The following PRC1 variants were observed in gnomAD, a reference collection of about 807,000 sequenced individuals.
The protein encoded by PRC1 is anaphase spindle elongation 1 homolog.
In PRC1, 54 loss-of-function variants were observed where a neutral mutation model predicts 91.2. That is an observed-to-expected ratio of 0.59 (90% confidence interval 0.48 to 0.74). The LOEUF is 0.74. Ranked by LOEUF, PRC1 falls within the 30% of genes least tolerant of loss-of-function variation. The pLI, the probability that PRC1 is intolerant of heterozygous loss-of-function variation, is 0.00. For synonymous variants in PRC1, 275 were observed against 263.6 expected (o/e 1.04, Z -0.42); for missense variants, 727 against 746.2 (o/e 0.97, Z 0.30).
In PRC1 at chr15:90,981,752, G is replaced by C. The variant is rs137858168; in HGVS notation, c.497C>G (p.Thr166Arg). 73 of 1,610,044 alleles carry C rather than the reference G, an allele frequency of 4.5e-5. 1 individual carries two copies. In the African/African-American group the frequency reaches 6.4e-4, roughly 14 times the overall value. Residue 166 changes from threonine (T) to arginine (R), a missense_variant, in exon 4 of 15, where the codon ACA becomes AGA. Physicochemically the swap from Thr to Arg is moderately conservative, Grantham distance 71 (BLOSUM62 -1). Coordinates refer to ENST00000394249, the MANE Select transcript of PRC1 (RefSeq NM_003981.4). ...FRQHVTTLRE[T>R]KASRREEFVS... ...GAACAAATGTAGGCAGTGTACCTTTGTTTCCCTCAAAGTTGTCACATGTTG... is the reference window on the plus strand; with the variant it reads ...GAACAAATGTAGGCAGTGTACCTTTCTTTCCCTCAAAGTTGTCACATGTTG...
intron 1 of PRC1, among the ~76,000 whole-genome samples, chr15:90,993,117 A>G (rs1343697459): frequency 1.4e-5 from 2 of 146,274 alleles, no homozygotes; most frequent in African/African-American, 5.0e-5. Flanking sequence ...TATATCCATT[A>G]GCCTGGAACC....
At chr15:90,977,118 TCA>T in intron 8 of PRC1, 1 of 68,982 alleles carries the variant, frequency 1.4e-5, no homozygotes, top group Non-Finnish European at 2.4e-5. Context: ...AGCGAGACGC[TCA>T]AAAAAAAAAA....
At chr15:90,978,791 TGGGA>T (rs1251714189) in intron 8 of PRC1, among the ~76,000 whole-genome samples, 1 of 112,740 alleles carries the variant, frequency 8.9e-6, no homozygotes, top group East Asian at 2.8e-4. Context: ...GCCATCAGGG[TGGGA>T]GCTCTAGCAG....
Position 90,979,232 on chromosome 15 carries a change from A to G in PRC1, c.1033T>C (p.Tyr345His). 3 of 1,614,228 alleles carry G rather than the reference A, an allele frequency of 1.9e-6. No homozygotes were observed. Among genetic ancestry groups the G allele is most frequent in the Non-Finnish European group, 2.5e-6 (3 of 1,180,028 alleles). The stretch of plus-strand genomic sequence containing the variant: ...TCAAAGAGTTCCTTGTGAACTTCAT[A>G]GTAGTTTTTTAACCGCACAATCTCA... ...DAEIVRLKNY[Y>H]EVHKELFEGV... Residue 345 changes from tyrosine (Y) to histidine (H), a missense_variant, in exon 8 of 15, where the codon TAT (tyrosine) becomes CAT (histidine). Coordinates refer to ENST00000394249, the MANE Select transcript of PRC1 (RefSeq NM_003981.4).
Position 90,974,504 on chromosome 15 carries a change from C to A in PRC1, c.1350+81G>T. On this transcript the variant is annotated intron_variant, in intron 10 of 14. Coordinates refer to ENST00000394249, the MANE Select transcript of PRC1 (RefSeq NM_003981.4). This position sits in a 1 kb window ranked among gnomAD's most constrained non-coding sequence, Gnocchi z 4.6. Reference sequence around the variant, plus strand: ...GGTCCCCGGCTCCCTGTTCCACAAACCCTGGTCCCCGGCAGAGACTATGGG... The same window carrying A: ...GGTCCCCGGCTCCCTGTTCCACAAAACCTGGTCCCCGGCAGAGACTATGGG... 1 of 1,578,812 alleles carries A rather than the reference C, an allele frequency of 6.3e-7. No individual in the cohort carries two copies. Among genetic ancestry groups the A allele is most frequent in the Non-Finnish European group, 8.6e-7 (1 of 1,157,934 alleles).
At chr15:90,973,108 T>TA (rs1567183885) in intron 11 of PRC1, 2 of 152,058 alleles carry the variant, frequency 1.3e-5, no homozygotes, top group African/African-American at 4.8e-5. Flanking sequence ...GGGCAAGAGG[T>TA]AGGGAAAAGA....
At chr15:90,982,338 A>G (rs973472893) in intron 3 of PRC1, among the ~76,000 whole-genome samples, 1 of 152,142 alleles carries the variant, frequency 6.6e-6, no homozygotes, top group African/African-American at 2.4e-5. Flanking sequence ...CAAAAGTGAA[A>G]CTTCATACTC....
chr15:90,982,109 A>G (rs1327364917), intron 3 of PRC1, 128 bp from the exon 4 acceptor site: 1 of 852,594 alleles, frequency 1.2e-6, no homozygotes, highest in Admixed American at 2.3e-5. Flanking sequence ...ACTCATGGTC[A>G]ACAGAATATG....
intron 14 of PRC1, 195 bp from the exon 15 acceptor site, chr15:90,967,397 T>A (rs1200438688): frequency 3.4e-6 from 2 of 591,986 alleles, no homozygotes; most frequent in Non-Finnish European, 6.0e-6. Flanking sequence ...ACAGAGTGCA[T>A]GTGCACGCAT....
chr15:90,993,211 C>CT (rs10679998), intron 1 of PRC1, among the ~76,000 whole-genome samples: 1,586 of 123,024 alleles, frequency 0.013, 97 homozygotes, highest in South Asian at 0.071. Flanking sequence ...TGTTAATGGA[C>CT]TTTTTTTTTT....
At chr15:90,973,594 G>T (rs1027109861) in intron 11 of PRC1, among the ~76,000 whole-genome samples, 3 of 152,086 alleles carry the variant, frequency 2.0e-5, no homozygotes, top group Non-Finnish European at 4.4e-5. Context: ...GGAATATCTC[G>T]GTGTAAAACC....
intron 11 of PRC1, chr15:90,972,774 A>G (rs28687863): frequency 0.13 from 19,260 of 152,292 alleles, 2,490 homozygotes; most frequent in African/African-American, 0.33. Flanking sequence ...TGTGCTGTAG[A>G]GATGAAGAAT....
At position 90,984,000 on chromosome 15, in the gene PRC1, C is replaced by A; in HGVS notation, c.267+18G>T. Reference sequence around the variant, plus strand: ...GGCCCCAGACAGATCACCAGAGACCCTGTGGGCTGCCACGGACCTGAAATG... The same window carrying A: ...GGCCCCAGACAGATCACCAGAGACCATGTGGGCTGCCACGGACCTGAAATG... On this transcript the variant is annotated intron_variant, in intron 3 of 14. Transcript: ENST00000394249. 1 of 1,613,514 alleles carries A rather than the reference C, an allele frequency of 6.2e-7. No homozygotes were observed. The highest frequency in any genetic ancestry group is 1.1e-5 in the South Asian group (1 of 91,046).
intron 3 of PRC1, 156 bp from the exon 4 acceptor site, chr15:90,982,137 T>A: frequency 1.4e-6 from 1 of 695,952 alleles, no homozygotes; most frequent in Admixed American, 2.8e-5. Context: ...GAGGGTCTCC[T>A]AAGGAAGGTC....
Position 90,966,583 on chromosome 15 carries a change from C to G in PRC1, c.*548G>C, listed in dbSNP as rs1567174607. 4 of 456,008 alleles carry G rather than the reference C, an allele frequency of 8.8e-6. No homozygotes were observed. Among genetic ancestry groups the G allele is most frequent in the Admixed American group, 2.3e-5 (1 of 42,556 alleles). 28.2% of individuals were successfully genotyped at this position (456,008 alleles called of 1,614,324 possible). A position where few individuals can be genotyped will look rare whatever the true frequency, so the allele number is the denominator to read the frequency against. On this transcript the variant is annotated 3_prime_UTR_variant, in exon 15 of 15. Transcript: ENST00000394249. ...AAGCTGCTCCCAGCCTTCCTGTCAC[C>G]TCTTTGGCAGTAGGGCAGGCCATCT... is the stretch of plus-strand genomic sequence containing the variant.
In PRC1 at chr15:90,966,817, A is replaced by C; in HGVS notation, c.*314T>G. ...TCAATCATTTTCCTACAGTGGTGAAATAAAACAAGCTTTGATCATGCTTCA... is the reference window on the plus strand; with the variant it reads ...TCAATCATTTTCCTACAGTGGTGAACTAAAACAAGCTTTGATCATGCTTCA... On this transcript the variant is annotated 3_prime_UTR_variant, in exon 15 of 15. Coordinates refer to ENST00000394249, the MANE Select transcript of PRC1 (RefSeq NM_003981.4). The C allele has an allele frequency of 2.2e-6, 1 of 463,564 alleles. No homozygotes were observed. The allele number at this position is 463,564 out of a possible 1,614,324, so 28.7% of individuals were successfully genotyped here. A position where few individuals can be genotyped will look rare whatever the true frequency, so the allele number is the denominator to read the frequency against.
rs1464743988 is a variant in PRC1 at position 90,966,404 on chromosome 15, TAGA to T, written c.*724_*726del. On this transcript the variant is annotated 3_prime_UTR_variant, in exon 15 of 15. Transcript: ENST00000394249. ...CCAATGTGGCTGGCAACTGCGGGGG[TAGA>T]AGAACTCAGGCAAAGTAGGCACAGG... 2 of 339,634 alleles carry T rather than the reference TAGA, an allele frequency of 5.9e-6. No homozygotes were observed. The highest frequency in any genetic ancestry group is 2.2e-5 in the South Asian group (1 of 45,594). The allele number at this position is 339,634 out of a possible 1,614,324, so 21.0% of individuals were successfully genotyped here. A position where few individuals can be genotyped will look rare whatever the true frequency, so the allele number is the denominator to read the frequency against.
Position 90,994,490 on chromosome 15 carries a change from G to T in PRC1, c.-73C>A. ...ACGGCCCCGAGAGCAACAACCACCCGCAAACACCGGCGATGTCACTCCGCG... is the reference window on the plus strand; with the variant it reads ...ACGGCCCCGAGAGCAACAACCACCCTCAAACACCGGCGATGTCACTCCGCG... On this transcript the variant is annotated 5_prime_UTR_variant, in exon 1 of 15. Coordinates refer to ENST00000394249, the MANE Select transcript of PRC1 (RefSeq NM_003981.4). 1 of 1,541,130 alleles carries T rather than the reference G, an allele frequency of 6.5e-7. No homozygotes were observed. The highest frequency in any genetic ancestry group is 1.2e-5 in the South Asian group (1 of 84,180).
chr15:90,967,002 G>A lies in PRC1; in HGVS notation c.*129C>T. 1.3e-6 allele frequency: 1 copy of A among 759,790 alleles called. No homozygotes were observed. Among genetic ancestry groups the A allele is most frequent in the Admixed American group, 2.3e-5 (1 of 43,772 alleles). The allele number at this position is 759,790 out of a possible 1,614,324, so 47.1% of individuals were successfully genotyped here. A position where few individuals can be genotyped will look rare whatever the true frequency, so the allele number is the denominator to read the frequency against. On this transcript the variant is annotated 3_prime_UTR_variant, in exon 15 of 15. Coordinates refer to ENST00000394249, the MANE Select transcript of PRC1 (RefSeq NM_003981.4). ...AACACTCATTCACATCTTTAAGTTA[G>A]GCCCATGGTCATGGAACCTGGCCAA...
Sources: allele counts gnomAD v4.1 joint callset (sites outside exome capture counted in the v4.1 genomes callset), GRCh38; gene constraint gnomAD v4.1.1; non-coding constraint Gnocchi (gnomAD v3.1); transcripts MANE v1.5; gene names NCBI Gene and HGNC (gene_info 2026-07-23, HGNC 2026-07-21).